SBF1: variants seen among roughly 807,000 people sequenced by gnomAD.
SBF1 encodes myotubularin-related protein 5.
Under a neutral mutation model 215.8 loss-of-function variants are expected in SBF1, and 65 were observed. The ratio of observed to expected loss-of-function variants is 0.30; its 90% confidence interval spans 0.25 to 0.37. The LOEUF is 0.37. SBF1 is among the 10% of genes least tolerant of loss of function. The probability of loss-of-function intolerance (pLI) is 1.00; values close to 1 mark genes in which losing one functional copy is unlikely to be tolerated. For missense variants in SBF1, 2,634 were observed against 2,667.8 expected, an observed-to-expected ratio of 0.99 and a Z score of 0.28; for synonymous variants, 1,410 against 1,122.8, an observed-to-expected ratio of 1.26 and a Z score of -5.11.
rs776918267 is a variant in SBF1, at chr22:50,462,916, T to C, written c.1922A>G (p.His641Arg). ...CLQDCTSLDE[H>R]GIAAALLPLV... ...AGGCAGCAGAGCCGCCGCAATGCCA[T>C]GCTCGTCCAGAGAAGTGCAGTCCTG... The change falls in exon 17 of 41, where the codon CAT becomes CGT. Residue 641 changes from histidine (H) to arginine (R), a missense_variant. Transcript: ENST00000380817. 1.2e-6 allele frequency: 2 copies of C among 1,613,120 alleles called. No homozygotes were observed. The highest frequency in any genetic ancestry group is 2.7e-5 in the African/African-American group (2 of 74,894).
chr22:50,459,608 A>C lies in SBF1; in HGVS notation c.3550T>G (p.Ser1184Ala). ...AAGCGGTTCTGGCGGTAGCAGCGGG[A>C]CACGCGCTGCAGGGCGTTGTCCTGG... ...SVQDNALQRV[S>A]RCYRQNRFPV... The change falls in exon 27 of 41, where the codon TCC becomes GCC. Residue 1184 changes from serine to alanine, a missense_variant. Physicochemically the swap from Ser to Ala is moderately conservative, Grantham distance 99 (BLOSUM62 1). Coordinates refer to ENST00000380817, the MANE Select transcript of SBF1 (RefSeq NM_002972.4). 6.2e-7 allele frequency: 1 copy of C among 1,610,094 alleles called. No individual in the cohort carries two copies. The highest frequency in any genetic ancestry group is 8.5e-7 in the Non-Finnish European group (1 of 1,178,968).
Position 50,467,803 on chromosome 22 carries a change from G to T in SBF1, c.262C>A (p.Pro88Thr), listed in dbSNP as rs751170801. 1 of 1,613,940 alleles carries T rather than the reference G, an allele frequency of 6.2e-7. No individual in the cohort carries two copies. The highest frequency in any genetic ancestry group is 8.5e-7 in the Non-Finnish European group (1 of 1,179,972). Residue 88 changes from proline to threonine, a missense_variant, in exon 3 of 41, where the codon CCA (proline) becomes ACA (threonine). Pro to Thr is a conservative substitution (Grantham distance 38, BLOSUM62 -1). Coordinates refer to ENST00000380817, the MANE Select transcript of SBF1 (RefSeq NM_002972.4). ...AAGCTGACCTGTGAAGGCTCCGCTGGCTCCCAGAAGGTCAAGCAGGCGCAG... is the reference window on the plus strand; with the variant it reads ...AAGCTGACCTGTGAAGGCTCCGCTGTCTCCCAGAAGGTCAAGCAGGCGCAG... ...HYCACLTFWEPAEPSQETTRV... is the reference protein window; with the variant it reads ...HYCACLTFWETAEPSQETTRV...
intron 15 of SBF1, among the ~76,000 whole-genome samples, chr22:50,463,970 G>A (rs748334471): frequency 6.6e-6 from 1 of 152,204 alleles, no homozygotes; most frequent in Non-Finnish European, 1.5e-5. Context: ...CAAGGAACAG[G>A]TCACGTATGG....
chr22:50,474,355 G>A (rs1445914358), intron 1 of SBF1, among the ~76,000 whole-genome samples: 1 of 152,192 alleles, frequency 6.6e-6, no homozygotes, highest in Non-Finnish European at 1.5e-5. Flanking sequence ...GGGCTGGCGA[G>A]CCGCGGGTCC....
At chr22:50,459,212 C>T in intron 28 of SBF1, 43 bp downstream of exon 28, 1 of 1,569,476 alleles carries the variant, frequency 6.4e-7, no homozygotes, top group East Asian at 2.3e-5. Flanking sequence ...CCACGGCCCC[C>T]CAAAGTGCCC....
chr22:50,462,536 C>T (rs2067562842), intron 18 of SBF1, 23 bp downstream of exon 18: 1 of 1,609,744 alleles, frequency 6.2e-7, no homozygotes, highest in Non-Finnish European at 8.5e-7. Flanking sequence ...CCCCAGCCCC[C>T]AGCCCAGGGA....
intron 9 of SBF1, 39 bp from the exon 10 acceptor site, chr22:50,465,879 C>G (rs1469939621): frequency 6.2e-7 from 1 of 1,612,280 alleles, no homozygotes. Context: ...GCACGCTGGC[C>G]CCGGCTCTAG....
At chr22:50,463,147 C>T in intron 16 of SBF1, 136 bp downstream of exon 16, 1 of 1,258,350 alleles carries the variant, frequency 7.9e-7, no homozygotes, top group South Asian at 1.4e-5. Flanking sequence ...CTGTTCCCTG[C>T]AGACCGAGGA....
chr22:50,455,917 G>A, intron 31 of SBF1: 1 of 558,060 alleles, frequency 1.8e-6, no homozygotes. Flanking sequence ...AGAGAATGCA[G>A]CAGGGGCCCA....
At position 50,466,650 on chromosome 22, in the gene SBF1, G is replaced by C. The variant is rs1005011466; in HGVS notation, c.610C>G (p.Leu204Val). 8.4e-6 allele frequency: 13 copies of C among 1,551,712 alleles called. No homozygotes were observed. The highest frequency in any genetic ancestry group is 1.0e-5 in the Non-Finnish European group (12 of 1,147,550). Residue 204 changes from leucine (L) to valine (V), a missense_variant, in exon 6 of 41, where the codon CTG (leucine) becomes GTG (valine). By Grantham distance (32) the Leu-to-Val change is conservative (BLOSUM62 1). Coordinates refer to ENST00000380817, the MANE Select transcript of SBF1 (RefSeq NM_002972.4). ...GCCACGCTGCAGCGGCTGACGGGCA[G>C]CGAGTCGGCCAGTGGAGTCTGGATG... ...QVIQTPLADSLPVSRCSVALL... is the reference protein window; with the variant it reads ...QVIQTPLADSVPVSRCSVALL...
chr22:50,450,800 C>T (rs1043601592), intron 36 of SBF1, among the ~76,000 whole-genome samples: 1 of 152,180 alleles, frequency 6.6e-6, no homozygotes, highest in Admixed American at 6.5e-5. Context: ...AAACCCAAGA[C>T]TCTAAGCTTA....
Position 50,448,856 on chromosome 22 carries a change from C to T in SBF1, c.5044-206G>A, listed in dbSNP as rs116340071. 3.0e-3 allele frequency among the ~76,000 whole-genome samples: 456 copies of T among 152,242 alleles called. 2 individuals are homozygous for T. Among genetic ancestry groups the T allele is most frequent in the African/African-American group, 0.01 (420 of 41,528 alleles). On this transcript the variant is annotated intron_variant, in intron 36 of 40. Transcript: ENST00000380817. ...CAGTTGAAAAATTTCCCAAACTAACCAGAGGCATCAAACAACATAATCAAG... is the reference window on the plus strand; with the variant it reads ...CAGTTGAAAAATTTCCCAAACTAACTAGAGGCATCAAACAACATAATCAAG...
intron 31 of SBF1, chr22:50,455,897 C>A (rs763568770): frequency 1.8e-5 from 10 of 563,226 alleles, no homozygotes; most frequent in Non-Finnish European, 2.8e-5. Flanking sequence ...CCTGTCAGTA[C>A]CCACCCCCGA....
Position 50,456,677 on chromosome 22 carries a change from TGAA to T in SBF1, c.3905-7_3905-5del, listed in dbSNP as rs762688172. The stretch of plus-strand genomic sequence containing the variant: ...GTCCGGACACTGCCCCACTTACCTG[TGAA>T]GGAGATGCCAGGTAAGCACCCAAAG... On this transcript the variant is annotated splice_polypyrimidine_tract_variant and splice_region_variant and intron_variant, in intron 29 of 40. Coordinates refer to ENST00000380817, the MANE Select transcript of SBF1 (RefSeq NM_002972.4). 2 of 1,466,096 alleles carry T rather than the reference TGAA, an allele frequency of 1.4e-6. No individual in the cohort carries two copies. Among genetic ancestry groups the T allele is most frequent in the South Asian group, 1.4e-5 (1 of 69,356 alleles). 90.8% of individuals were successfully genotyped at this position (1,466,096 alleles called of 1,614,324 possible).
rs1480714591 is a variant in SBF1, at chr22:50,461,692, C to T, written c.2670G>A (p.Leu890=). ...CGTCCAGCACACACTCCTCACCCGG[C>T]AGCAGGCGCGGCCGCAGCAGCTTGG... ...QKPKLLRPRL[L]PGEECVLDGL... Residue 890 remains leucine (L), a synonymous_variant, in exon 22 of 41, where the codon CTG becomes CTA. Coordinates refer to ENST00000380817, the MANE Select transcript of SBF1 (RefSeq NM_002972.4). The T allele has an allele frequency of 1.9e-6, 3 of 1,609,840 alleles. No homozygotes were observed. The highest frequency in any genetic ancestry group is 2.5e-6 in the Non-Finnish European group (3 of 1,179,094).
intron 36 of SBF1, among the ~76,000 whole-genome samples, chr22:50,451,167 A>C (rs1339748950): frequency 1.8e-4 from 2 of 11,240 alleles, no homozygotes; most frequent in Non-Finnish European, 4.6e-4. Context: ...CCATCTCTAC[A>C]AAAAAAAAAA....
chr22:50,463,288 G>C lies in SBF1; in HGVS notation c.1894C>G (p.Leu632Val). Residue 632 changes from leucine to valine, a missense_variant, in exon 16 of 41, where the codon CTG (leucine) becomes GTG (valine). By Grantham distance (32) the Leu-to-Val change is conservative. Coordinates refer to ENST00000380817, the MANE Select transcript of SBF1 (RefSeq NM_002972.4). Reference sequence around the variant, plus strand: ...AGCAGGATAAGAGGCCTCACCTGCAGGCAGCAGTTCATCATACGGACGACA... The same window carrying C: ...AGCAGGATAAGAGGCCTCACCTGCACGCAGCAGTTCATCATACGGACGACA... ...DFVVRMMNCCLQDCTSLDEHG... is the reference protein window; with the variant it reads ...DFVVRMMNCCVQDCTSLDEHG... 2 of 1,613,540 alleles carry C rather than the reference G, an allele frequency of 1.2e-6. No homozygotes were observed. Among genetic ancestry groups the C allele is most frequent in the Non-Finnish European group, 1.7e-6 (2 of 1,179,870 alleles).
In SBF1 at chr22:50,461,283, C is replaced by A; in HGVS notation, c.2843G>T (p.Gly948Val). ...GAAGGAGCGGACCACCACCTGCTCCCCAACTTAGGACAGGCCAGGCAGAGT... is the reference window on the plus strand; with the variant it reads ...GAAGGAGCGGACCACCACCTGCTCCACAACTTAGGACAGGCCAGGCAGAGT... ...FTGMPTDPLV[G>V]EQVVVRSFPV... Residue 948 changes from glycine (G) to valine (V), a missense_variant, in exon 23 of 41, where the codon GGG becomes GTG. By Grantham distance (109) the Gly-to-Val change is moderately radical. Transcript: ENST00000380817. The A allele has an allele frequency of 1.2e-6, 2 of 1,609,640 alleles. No individual in the cohort carries two copies. The highest frequency in any genetic ancestry group is 1.7e-6 in the Non-Finnish European group (2 of 1,177,460).
In SBF1 at chr22:50,468,436, A is replaced by G; in HGVS notation, c.81T>C (p.Ile27=). 1 of 1,610,984 alleles carries G rather than the reference A, an allele frequency of 6.2e-7. No homozygotes were observed. The highest frequency in any genetic ancestry group is 8.5e-7 in the Non-Finnish European group (1 of 1,178,444). Residue 27 remains isoleucine, a synonymous_variant, in exon 2 of 41, where the codon ATT becomes ATC. Transcript: ENST00000380817. ...PRGSGEGQGQ[I]LQRFPEKDWE... ...AGTCCTTCTCTGGGAAGCGCTGCAG[A>G]ATCTGGCCCTGGCCTTCCCCACTCC...
Sources: allele counts gnomAD v4.1 joint callset (sites outside exome capture counted in the v4.1 genomes callset), GRCh38; gene constraint gnomAD v4.1.1; transcripts MANE v1.5; gene names NCBI Gene and HGNC (gene_info 2026-07-23, HGNC 2026-07-21).